KAZN: variants seen among roughly 807,000 people sequenced by gnomAD.
The protein encoded by KAZN is kazrin, periplakin interacting protein, also known as kazrin.
KAZN carries 40 observed loss-of-function variants against 87.4 expected under a neutral mutation model. That is an observed-to-expected ratio of 0.46 (90% CI 0.36 to 0.60). The LOEUF is 0.60. Among genes scored for constraint, KAZN ranks in the 20% least tolerant of loss-of-function variants. The pLI is 0.00. For synonymous variants in KAZN, 466 were observed against 458.3 expected (o/e 1.02, Z -0.22); for missense variants, 898 against 1,073.9 (o/e 0.84, Z 2.29).
chr1:14,916,170 CTTTTTTTTT>C (rs71307000), intron 1 of KAZN, among the ~76,000 whole-genome samples: 12 of 113,580 alleles, frequency 1.1e-4, no homozygotes, highest in African/African-American at 3.8e-4. Context: ...CACTGTTGTT[CTTTTTTTTT>C]TTTTTTTTTT....
intron 2 of KAZN, among the ~76,000 whole-genome samples, chr1:14,455,082 G>A (rs745451564): frequency 6.6e-6 from 1 of 152,182 alleles, no homozygotes; most frequent in South Asian, 2.1e-4. Context: ...GAAAAAGCGA[G>A]AGAGGGTCCA....
chr1:14,107,643 T>G (rs1196786043), intron 1 of KAZN, among the ~76,000 whole-genome samples: 1 of 151,710 alleles, frequency 6.6e-6, no homozygotes, highest in Non-Finnish European at 1.5e-5. Flanking sequence ...TCTTCAGGAG[T>G]GTGAGATGTA....
chr1:15,093,412 G>A (rs967920913), intron 8 of KAZN, among the ~76,000 whole-genome samples: 2 of 151,986 alleles, frequency 1.3e-5, no homozygotes, highest in African/African-American at 4.8e-5. Flanking sequence ...GCGCCCAGGA[G>A]ACAGGTCTGT....
chr1:14,154,284 T>A (rs891313530), intron 1 of KAZN, among the ~76,000 whole-genome samples: 4 of 152,230 alleles, frequency 2.6e-5, no homozygotes, highest in African/African-American at 9.6e-5. Flanking sequence ...TTAAAAAAAA[T>A]TCTTTTTCAG....
At chr1:14,288,091 T>C (rs1246287788) in intron 2 of KAZN, among the ~76,000 whole-genome samples, 5 of 152,230 alleles carry the variant, frequency 3.3e-5, no homozygotes, top group Non-Finnish European at 5.9e-5. Context: ...CAGTGTTTTA[T>C]TGAGGATTTT....
chr1:14,405,044 G>C (rs1478145679), intron 2 of KAZN, among the ~76,000 whole-genome samples: 1 of 152,156 alleles, frequency 6.6e-6, no homozygotes, highest in East Asian at 1.9e-4. Context: ...TCTTGTCTTT[G>C]TGTGTGGTGG....
intron 1 of KAZN, chr1:14,692,199 T>G: frequency 2.1e-6 from 1 of 466,062 alleles, no homozygotes; most frequent in South Asian, 8.1e-5. Context: ...CAAGTCTTTT[T>G]CACTTTCTAA....
intron 1 of KAZN, among the ~76,000 whole-genome samples, chr1:14,872,801 T>C (rs1298947488): frequency 2.6e-5 from 4 of 152,080 alleles, no homozygotes; most frequent in African/African-American, 9.7e-5. Flanking sequence ...GATGGATGGA[T>C]GGACGTACAG....
intron 1 of KAZN, among the ~76,000 whole-genome samples, chr1:14,837,318 C>A (rs935679150): frequency 6.6e-6 from 1 of 152,078 alleles, no homozygotes; most frequent in Non-Finnish European, 1.5e-5. Context: ...CCTGCCTCAG[C>A]CTCCCCGAGT....
chr1:14,600,699 A>C (rs1676897971), intron 1 of KAZN, among the ~76,000 whole-genome samples: 1 of 150,936 alleles, frequency 6.6e-6, no homozygotes, highest in Non-Finnish European at 1.5e-5. Context: ...GACAGACTGC[A>C]AGGTAATGCT....
intron 1 of KAZN, among the ~76,000 whole-genome samples, chr1:14,052,638 G>A (rs754743976): frequency 1.5e-4 from 23 of 152,192 alleles, no homozygotes; most frequent in Non-Finnish European, 2.6e-4. Flanking sequence ...TGTCTGAGAG[G>A]TTGGGATGTG....
intron 1 of KAZN, among the ~76,000 whole-genome samples, chr1:14,921,003 C>T (rs1447659514): frequency 1.3e-5 from 2 of 152,116 alleles, no homozygotes; most frequent in South Asian, 2.1e-4. Flanking sequence ...TAACTGCCAC[C>T]GTGGCCACAG....
intron 2 of KAZN, among the ~76,000 whole-genome samples, chr1:14,969,136 G>C (rs1444282053): frequency 6.6e-6 from 1 of 152,268 alleles, no homozygotes; most frequent in East Asian, 1.9e-4. Context: ...CAGTGGGGTA[G>C]TAGGTGGCCT....
At chr1:15,045,722 C>T (rs570495122) in intron 4 of KAZN, among the ~76,000 whole-genome samples, 16 of 152,228 alleles carry the variant, frequency 1.1e-4, no homozygotes, top group South Asian at 1.0e-3. Flanking sequence ...ATAATCATGG[C>T]GGAAGGCAAA....
intron 2 of KAZN, among the ~76,000 whole-genome samples, chr1:15,032,003 A>T (rs1353559180): frequency 6.6e-6 from 1 of 151,994 alleles, no homozygotes; most frequent in Non-Finnish European, 1.5e-5. Context: ...GGTTTTTAGT[A>T]TGTTCACAGA....
chr1:14,842,997 T>A (rs1648202240), intron 1 of KAZN, among the ~76,000 whole-genome samples: 1 of 152,174 alleles, frequency 6.6e-6, no homozygotes, highest in African/African-American at 2.4e-5. Context: ...ATAGACATTA[T>A]CTCTTGATGT....
chr1:14,524,304 G>T (rs1262788399), intron 2 of KAZN, among the ~76,000 whole-genome samples: 1 of 152,114 alleles, frequency 6.6e-6, no homozygotes, highest in African/African-American at 2.4e-5. Flanking sequence ...TTATAGGCAT[G>T]AGCCACCGCA....
At chr1:15,090,477 G>GGGAGCCGGGCACCAGCACT (rs1553188094) in intron 8 of KAZN, among the ~76,000 whole-genome samples, 1 of 152,240 alleles carries the variant, frequency 6.6e-6, no homozygotes, top group African/African-American at 2.4e-5. Context: ...GCCGGTCCGT[G>GGGAGCCGGGCACCAGCACT]GGAGCCGGGC....
intron 1 of KAZN, among the ~76,000 whole-genome samples, chr1:14,826,336 C>T (rs758350120): frequency 3.5e-4 from 53 of 152,200 alleles, no homozygotes; most frequent in Admixed American, 7.2e-4. Flanking sequence ...GGCGCTCTGG[C>T]GTTGGCCATA....
Sources: gnomAD v4.1 joint callset for allele counts (sites outside exome capture counted in the v4.1 genomes callset) on GRCh38, gnomAD v4.1.1 for gene constraint, MANE v1.5 for transcripts, NCBI Gene and HGNC (gene_info 2026-07-23, HGNC 2026-07-21) for gene names.